Variants in PTGER4 observed in about 807,000 individuals in gnomAD.
PTGER4 encodes prostaglandin E receptor 4, also known as prostaglandin E2 receptor EP4 subtype.
In PTGER4, 11 loss-of-function variants were observed where a neutral mutation model predicts 33.2. That is an observed-to-expected ratio of 0.33 (90% CI 0.21 to 0.55). The LOEUF (loss-of-function observed/expected upper bound fraction) is 0.55. Ranked by LOEUF, PTGER4 falls within the 20% of genes least tolerant of loss-of-function variation. The pLI, the probability that PTGER4 is intolerant of heterozygous loss-of-function variation, is 0.92. For synonymous variants in PTGER4, 275 were observed against 281.5 expected (o/e 0.98, Z 0.23); for missense variants, 481 against 650.2 (o/e 0.74, Z 2.83).
the PTGER4 span, among the ~76,000 whole-genome samples, chr5:40,724,003 C>T: frequency 6.6e-6 from 1 of 152,056 alleles, no homozygotes; most frequent in East Asian, 1.9e-4. Context: ...TTAGAACTAC[C>T]ATGTAATAAA....
At chr5:40,718,396 A>G in the PTGER4 span, among the ~76,000 whole-genome samples, 1 of 151,484 alleles carries the variant, frequency 6.6e-6, no homozygotes, top group African/African-American at 2.4e-5. Flanking sequence ...AGAGAGCAAG[A>G]CTCTGTCTCA....
the PTGER4 span, among the ~76,000 whole-genome samples, chr5:40,710,046 T>C: frequency 2.6e-5 from 4 of 152,018 alleles, no homozygotes; most frequent in South Asian, 2.1e-4. Context: ...ACACCAAAAG[T>C]AACGGCAACA....
chr5:40,719,115 T>C, the PTGER4 span, among the ~76,000 whole-genome samples: 1 of 152,162 alleles, frequency 6.6e-6, no homozygotes, highest in East Asian at 1.9e-4. Context: ...ATTTAAAACA[T>C]ACAATTCAAT....
the PTGER4 span, among the ~76,000 whole-genome samples, chr5:40,746,091 A>G: frequency 6.6e-6 from 1 of 152,170 alleles, no homozygotes; most frequent in Non-Finnish European, 1.5e-5. Flanking sequence ...ATTTTCCTCT[A>G]GGTAGTAATC....
chr5:40,705,755 C>A, the PTGER4 span, among the ~76,000 whole-genome samples: 17 of 152,224 alleles, frequency 1.1e-4, 1 homozygote, highest in Admixed American at 1.1e-3. Flanking sequence ...TAGAGAAATG[C>A]AAATCAAAAC....
At chr5:40,709,186 A>G in the PTGER4 span, among the ~76,000 whole-genome samples, 1,185 of 152,344 alleles carry the variant, frequency 7.8e-3, 12 homozygotes, top group African/African-American at 0.026. Context: ...TGGCCGGGGC[A>G]ATCAGGCAGG....
In PTGER4 at chr5:40,680,242, C is replaced by A. The variant is rs891689982; in HGVS notation, c.-280C>A. ...AAAAAATAGCGAGTAAGAAATCCAG[C>A]ACCATTCTTCACTGACCCATCCCGC... On this transcript the variant is annotated 5_prime_UTR_variant, in exon 1 of 3. Transcript: ENST00000302472. The surrounding 1 kb of genome is among the most constrained non-coding windows in gnomAD (Gnocchi z 5.5). 3 of 152,514 alleles carry A rather than the reference C, an allele frequency of 2.0e-5. No individual in the cohort carries two copies. Among genetic ancestry groups the A allele is most frequent in the African/African-American group, 7.2e-5 (3 of 41,470 alleles). The allele number at this position is 152,514 out of a possible 1,614,324, so 9.4% of individuals were successfully genotyped here.
downstream of PTGER4, among the ~76,000 whole-genome samples, chr5:40,697,218 G>T (rs9763898): frequency 9.9e-6 from 1 of 101,210 alleles, no homozygotes; most frequent in Admixed American, 1.1e-4. Context: ...GAAAGAAAAA[G>T]AAAGAAGAAA....
chr5:40,734,245 A>C, the PTGER4 span, among the ~76,000 whole-genome samples: 1 of 152,238 alleles, frequency 6.6e-6, no homozygotes, highest in Non-Finnish European at 1.5e-5. Flanking sequence ...AGATCACAGG[A>C]AACTTGGCAC....
the PTGER4 span, chr5:40,728,383 A>G: frequency 9.3e-6 from 15 of 1,613,312 alleles, no homozygotes; most frequent in African/African-American, 2.7e-5. Flanking sequence ...GCACGTCCCA[A>G]AGTCTGCCAA....
chr5:40,688,375 G>C (rs1040538326), intron 2 of PTGER4, among the ~76,000 whole-genome samples: 1 of 152,106 alleles, frequency 6.6e-6, no homozygotes, highest in Admixed American at 6.5e-5. Flanking sequence ...CCCGGCCGTA[G>C]GTCTTTTCCA....
chr5:40,685,302 C>T, intron 2 of PTGER4: 2 of 659,098 alleles, frequency 3.0e-6, no homozygotes, highest in Non-Finnish European at 3.8e-6. Context: ...AACTAGTTGT[C>T]TCTATAAAGC....
At chr5:40,702,469 C>T in the PTGER4 span, among the ~76,000 whole-genome samples, 1 of 152,208 alleles carries the variant, frequency 6.6e-6, no homozygotes, top group Non-Finnish European at 1.5e-5. Flanking sequence ...ACCTAACTGT[C>T]CTAAATATAT....
chr5:40,687,107 G>A (rs1023113408), intron 2 of PTGER4, among the ~76,000 whole-genome samples: 33 of 152,180 alleles, frequency 2.2e-4, no homozygotes, highest in East Asian at 1.5e-3. Flanking sequence ...GTGCAATGGC[G>A]CAATCTCAGC....
the PTGER4 span, among the ~76,000 whole-genome samples, chr5:40,709,030 T>C: frequency 2.0e-5 from 3 of 152,188 alleles, no homozygotes; most frequent in African/African-American, 7.2e-5. Flanking sequence ...ATGGGATGTA[T>C]CTCAAAATAA....
chr5:40,737,149 C>T, the PTGER4 span, among the ~76,000 whole-genome samples: 1 of 151,988 alleles, frequency 6.6e-6, no homozygotes, highest in African/African-American at 2.4e-5. Context: ...TACAAAAAAT[C>T]AGCCAGGCAT....
At chr5:40,729,458 C>T in the PTGER4 span, among the ~76,000 whole-genome samples, 1 of 152,276 alleles carries the variant, frequency 6.6e-6, no homozygotes, top group South Asian at 2.1e-4. Flanking sequence ...GACTTTCCTA[C>T]AAAATATTAG....
rs1366855698 is a variant in PTGER4, at chr5:40,692,301, G to GGA, written c.1391_1392insAG (p.Pro465GlyfsTer18). 6.2e-7 allele frequency: 1 copy of GGA among 1,613,902 alleles called. No individual in the cohort carries two copies. Among genetic ancestry groups the GGA allele is most frequent in the Non-Finnish European group, 8.5e-7 (1 of 1,179,924 alleles). ...TGAGGCTGGTGGGAGCGGCAGGGCT[G>GGA]GGCCTGCCCCTAAGGGGAGCTCCCT... On this transcript the variant is annotated frameshift_variant, in exon 3 of 3. Coordinates refer to ENST00000302472, the MANE Select transcript of PTGER4 (RefSeq NM_000958.3). LOFTEE classifies it high-confidence loss of function.
the PTGER4 span, among the ~76,000 whole-genome samples, chr5:40,731,796 C>G: frequency 6.6e-6 from 1 of 152,320 alleles, no homozygotes; most frequent in African/African-American, 2.4e-5. Context: ...AAGGCTCCTC[C>G]TCTAAGACCA....
Sources: allele counts gnomAD v4.1 joint callset (sites outside exome capture counted in the v4.1 genomes callset), GRCh38; gene constraint gnomAD v4.1.1; non-coding constraint Gnocchi (gnomAD v3.1); transcripts MANE v1.5; gene names NCBI Gene and HGNC (gene_info 2026-07-23, HGNC 2026-07-21).